The following PRKG1 variants were observed in gnomAD, a reference collection of about 807,000 sequenced individuals.
PRKG1 encodes cGMP-dependent protein kinase 1.
A neutral mutation model predicts 88.1 loss-of-function variants in PRKG1; 35 were observed. That is an observed-to-expected ratio of 0.40 (90% CI 0.30 to 0.53). The LOEUF is 0.53. PRKG1 is among the 20% of genes least tolerant of loss of function. PRKG1 has a pLI of 0.59. For synonymous variants in PRKG1, 303 were observed against 292.5 expected, an observed-to-expected ratio of 1.04 and a Z score of -0.37; for missense variants, 540 against 839.8, an observed-to-expected ratio of 0.64 and a Z score of 4.41.
chr10:52,127,144 C>T (rs184547649), intron 7 of PRKG1, among the ~76,000 whole-genome samples: 1 of 152,130 alleles, frequency 6.6e-6, no homozygotes, highest in East Asian at 1.9e-4. Context: ...GAGAGATAGA[C>T]AGAGATAGAA....
At chr10:51,592,546 T>C (rs919452718) in intron 3 of PRKG1, among the ~76,000 whole-genome samples, 3 of 152,162 alleles carry the variant, frequency 2.0e-5, no homozygotes, top group Admixed American at 6.5e-5. Flanking sequence ...GCCGTGATTA[T>C]TGATCAGGGT....
intron 2 of PRKG1, among the ~76,000 whole-genome samples, chr10:51,203,627 G>A (rs1193213569): frequency 3.3e-5 from 5 of 152,170 alleles, no homozygotes; most frequent in Non-Finnish European, 5.9e-5. Flanking sequence ...GAAAAGACCT[G>A]CGCTTGAATC....
At chr10:51,806,271 C>A (rs1839305335) in intron 4 of PRKG1, among the ~76,000 whole-genome samples, 1 of 152,118 alleles carries the variant, frequency 6.6e-6, no homozygotes, top group African/African-American at 2.4e-5. Context: ...TTTTAGCTTC[C>A]ATAAGTTTGT....
intron 5 of PRKG1, among the ~76,000 whole-genome samples, chr10:51,972,022 GCTTT>G (rs1247756525): frequency 6.6e-6 from 1 of 152,040 alleles, no homozygotes; most frequent in African/African-American, 2.4e-5. Flanking sequence ...TTCTTTCAAA[GCTTT>G]CTGTTTCCTG....
At chr10:51,159,174 G>A (rs1292813703) in intron 2 of PRKG1, among the ~76,000 whole-genome samples, 1 of 152,042 alleles carries the variant, frequency 6.6e-6, no homozygotes, top group African/African-American at 2.4e-5. Context: ...ATTAAATGAT[G>A]TAATGAACAT....
intron 2 of PRKG1, among the ~76,000 whole-genome samples, chr10:51,197,589 G>T (rs747409970): frequency 2.6e-5 from 4 of 151,836 alleles, no homozygotes; most frequent in Admixed American, 6.6e-5. Context: ...TGTGTTTATT[G>T]AAAGTATGCA....
At chr10:52,265,589 G>A (rs1277290082) in intron 10 of PRKG1, among the ~76,000 whole-genome samples, 1 of 151,952 alleles carries the variant, frequency 6.6e-6, no homozygotes, top group Non-Finnish European at 1.5e-5. Context: ...CCCAATAAAG[G>A]CAAAAAATTG....
At chr10:51,825,137 T>C (rs1030042389) in intron 4 of PRKG1, among the ~76,000 whole-genome samples, 1 of 152,208 alleles carries the variant, frequency 6.6e-6, no homozygotes, top group African/African-American at 2.4e-5. Flanking sequence ...AATAGGTCAC[T>C]GTAGCCATAA....
At chr10:51,090,700 A>T (rs73338502) in intron 1 of PRKG1, among the ~76,000 whole-genome samples, 5,270 of 152,250 alleles carry the variant, frequency 0.035, 113 homozygotes, top group Middle Eastern at 0.058. Flanking sequence ...TTGTAATAAT[A>T]TTGTTCGTAA....
intron 5 of PRKG1, among the ~76,000 whole-genome samples, chr10:51,986,320 C>G (rs1265111810): frequency 6.6e-6 from 1 of 152,154 alleles, no homozygotes; most frequent in Non-Finnish European, 1.5e-5. Context: ...TTATTTCCTT[C>G]AAGAAATATC....
intron 2 of PRKG1, among the ~76,000 whole-genome samples, chr10:51,376,488 T>C (rs767786595): frequency 4.6e-5 from 7 of 152,250 alleles, no homozygotes; most frequent in Non-Finnish European, 1.0e-4. Context: ...TTGTTTGCTA[T>C]TGAAAAAAAT....
At chr10:51,940,264 C>T (rs559751346) in intron 5 of PRKG1, among the ~76,000 whole-genome samples, 4 of 151,772 alleles carry the variant, frequency 2.6e-5, no homozygotes, top group Non-Finnish European at 5.9e-5. Flanking sequence ...AAACCCTTCT[C>T]TTATTTTGGG....
At chr10:51,867,167 T>A (rs1304390652) in intron 4 of PRKG1, among the ~76,000 whole-genome samples, 1 of 152,154 alleles carries the variant, frequency 6.6e-6, no homozygotes. Context: ...TGCACAGAGG[T>A]TTAAGGACAT....
chr10:51,321,236 G>A (rs572189127), intron 2 of PRKG1, among the ~76,000 whole-genome samples: 2 of 152,200 alleles, frequency 1.3e-5, no homozygotes, highest in East Asian at 1.9e-4. Flanking sequence ...TCTTAAGCAC[G>A]TTACTTAAAT....
Position 51,395,040 on chromosome 10 carries a change from C to T in PRKG1, c.479-72683C>T, listed in dbSNP as rs372068686. On this transcript the variant is annotated intron_variant, in intron 2 of 17. Transcript: ENST00000373980. Reference sequence around the variant, plus strand: ...TTTGGGAAACTTGCTTTATAATGCTCCAAATTCTGAGGAGTAACTATTCTA... The same window carrying T: ...TTTGGGAAACTTGCTTTATAATGCTTCAAATTCTGAGGAGTAACTATTCTA... 9.9e-5 allele frequency among the ~76,000 whole-genome samples: 15 copies of T among 152,248 alleles called. No individual in the cohort carries two copies. In the East Asian group the frequency reaches 2.5e-3, roughly 25 times the overall value.
At chr10:51,470,829 A>G (rs570414333) in intron 3 of PRKG1, among the ~76,000 whole-genome samples, 1 of 152,052 alleles carries the variant, frequency 6.6e-6, no homozygotes, top group African/African-American at 2.4e-5. Context: ...AGAAGGAAGC[A>G]CCATGGTAGT....
At chr10:51,958,422 G>C (rs1404328783) in intron 5 of PRKG1, among the ~76,000 whole-genome samples, 1 of 150,506 alleles carries the variant, frequency 6.6e-6, no homozygotes, top group East Asian at 2.0e-4. Flanking sequence ...TAGGGGCAGG[G>C]GTTATGAAGA....
Position 52,288,803 on chromosome 10 carries a change from A to G in PRKG1, c.1787A>G (p.Lys596Arg). The change falls in exon 15 of 18, where the codon AAG becomes AGG. Residue 596 changes from lysine (K) to arginine (R), a missense_variant. Lys to Arg is a conservative substitution (Grantham distance 26). Around this residue, in one of 5 missense-constraint regions of PRKG1, gnomAD observed 97 missense variants for 210.6 expected, o/e 0.46. Coordinates refer to ENST00000373980, the MANE Select transcript of PRKG1 (RefSeq NM_006258.4). ...LRGIDMIEFP[K>R]KIAKNAANLI... Reference sequence around the variant, plus strand: ...GGGATTGACATGATAGAATTTCCAAAGAAGATTGCCAAAAATGCTGCTAAT... The same window carrying G: ...GGGATTGACATGATAGAATTTCCAAGGAAGATTGCCAAAAATGCTGCTAAT... 1 of 1,608,106 alleles carries G rather than the reference A, an allele frequency of 6.2e-7. No individual in the cohort carries two copies. Among genetic ancestry groups the G allele is most frequent in the Non-Finnish European group, 8.5e-7 (1 of 1,177,506 alleles).
intron 9 of PRKG1, among the ~76,000 whole-genome samples, chr10:52,184,170 G>A (rs572634146): frequency 6.6e-6 from 1 of 152,158 alleles, no homozygotes; most frequent in East Asian, 1.9e-4. Context: ...TTTTTAAAAT[G>A]TTACTATTCA....
Sources: allele counts gnomAD v4.1 joint callset (sites outside exome capture counted in the v4.1 genomes callset), GRCh38; gene constraint gnomAD v4.1.1; regional missense constraint gnomAD v4.1.1; transcripts MANE v1.5; gene names NCBI Gene and HGNC (gene_info 2026-07-23, HGNC 2026-07-21).